KCNIP4: variants seen among roughly 807,000 people sequenced by gnomAD.
KCNIP4 encodes the protein potassium voltage-gated channel interacting protein 4.
Under a neutral mutation model 34.0 loss-of-function variants are expected in KCNIP4, and 12 were observed. The ratio of observed to expected loss-of-function variants is 0.35; its 90% CI spans 0.23 to 0.57. The LOEUF (loss-of-function observed/expected upper bound fraction) is 0.57. Ranked by LOEUF, KCNIP4 falls within the 20% of genes least tolerant of loss-of-function variation. The pLI is 0.83. For synonymous variants in KCNIP4, 124 were observed against 102.2 expected, an observed-to-expected ratio of 1.21 and a Z score of -1.29; for missense variants, 238 against 311.7, an observed-to-expected ratio of 0.76 and a Z score of 1.78.
intron 1 of KCNIP4, among the ~76,000 whole-genome samples, chr4:21,889,438 T>C (rs1277385559): frequency 6.6e-6 from 1 of 152,062 alleles, no homozygotes; most frequent in Non-Finnish European, 1.5e-5. Flanking sequence ...TAAGGGATAT[T>C]AAACCTGTAC....
chr4:21,499,414 A>G (rs958560721), intron 1 of KCNIP4, among the ~76,000 whole-genome samples: 1 of 151,982 alleles, frequency 6.6e-6, no homozygotes, highest in African/African-American at 2.4e-5. Context: ...AAGCTTGAAC[A>G]ATACTACATA....
intron 1 of KCNIP4, among the ~76,000 whole-genome samples, chr4:20,959,849 A>C (rs1278063847): frequency 6.6e-6 from 1 of 152,222 alleles, no homozygotes; most frequent in East Asian, 1.9e-4. Context: ...GCAATCCTTA[A>C]CATAATCTGT....
chr4:21,647,417 G>A (rs532406373), intron 1 of KCNIP4, among the ~76,000 whole-genome samples: 4 of 152,108 alleles, frequency 2.6e-5, no homozygotes, highest in African/African-American at 9.6e-5. Flanking sequence ...CAATAAAAAA[G>A]ACTGATTGGA....
intron 1 of KCNIP4, among the ~76,000 whole-genome samples, chr4:21,476,566 G>A (rs929593861): frequency 2.6e-5 from 4 of 152,104 alleles, no homozygotes; most frequent in Non-Finnish European, 4.4e-5. Context: ...GACTTACACC[G>A]TCCAGAACTG....
intron 1 of KCNIP4, among the ~76,000 whole-genome samples, chr4:21,296,487 G>T (rs1044761311): frequency 6.6e-6 from 1 of 151,186 alleles, no homozygotes; most frequent in Non-Finnish European, 1.5e-5. Flanking sequence ...CTTATACAGG[G>T]TTCTAAGCAT....
intron 1 of KCNIP4, among the ~76,000 whole-genome samples, chr4:21,091,607 A>C (rs1747001436): frequency 6.6e-6 from 1 of 152,210 alleles, no homozygotes; most frequent in Admixed American, 6.5e-5. Context: ...AAAATACCAT[A>C]GACTGGGTAC....
Position 21,695,644 on chromosome 4 carries a change from T to C in KCNIP4, c.61+252927A>G, listed in dbSNP as rs533708988. ...GTTTCCCAACCACTTACCATTTTCG[T>C]AAAATTCTTTGAAATCAAAAGTTTA... is the stretch of plus-strand genomic sequence containing the variant. On this transcript the variant is annotated intron_variant, in intron 1 of 8. Coordinates refer to ENST00000382152, the MANE Select transcript of KCNIP4 (RefSeq NM_025221.6). Among the ~76,000 whole-genome samples the C allele has an allele frequency of 3.9e-4, 60 of 152,120 alleles. 1 individual carries two copies. The highest frequency in any genetic ancestry group is 7.6e-4 in the Non-Finnish European group (52 of 67,988).
At chr4:21,634,183 T>C (rs538897553) in intron 1 of KCNIP4, among the ~76,000 whole-genome samples, 2 of 143,642 alleles carry the variant, frequency 1.4e-5, no homozygotes, top group East Asian at 4.0e-4. Context: ...ATCCACTATG[T>C]AGTATTTAAA....
chr4:21,342,884 A>G (rs1325414518), intron 1 of KCNIP4, among the ~76,000 whole-genome samples: 1 of 152,038 alleles, frequency 6.6e-6, no homozygotes, highest in Non-Finnish European at 1.5e-5. Flanking sequence ...TTTCTTAGCT[A>G]AGGGGCAGTA....
chr4:20,802,225 CATATGCTACATATATGCTATAT>C lies in KCNIP4; in HGVS notation c.289-43357_289-43336del, dbSNP rs1304543614. On this transcript the variant is annotated intron_variant, in intron 3 of 8. Transcript: ENST00000382152. ...ATATATATGCTACATATATGCTATA[CATATGCTACATATATGCTATAT>C]ATATGCTACATATATGCTATATATA... Among the ~76,000 whole-genome samples the C allele has an allele frequency of 6.7e-3, 326 of 48,978 alleles. 9 individuals are homozygous for C. The East Asian group carries it at 0.13, about 20-fold the overall frequency. The allele number at this position is 48,978 out of a possible 152,430, so 32.1% of individuals were successfully genotyped here.
chr4:20,954,512 T>C (rs558932314), intron 1 of KCNIP4, among the ~76,000 whole-genome samples: 6 of 152,186 alleles, frequency 3.9e-5, no homozygotes, highest in Admixed American at 2.0e-4. Flanking sequence ...GTCAAGAAGG[T>C]ATAATCATCA....
At chr4:20,884,362 A>G (rs1725047247) in intron 1 of KCNIP4, among the ~76,000 whole-genome samples, 1 of 152,006 alleles carries the variant, frequency 6.6e-6, no homozygotes, top group Admixed American at 6.6e-5. Context: ...GTGGGGTGAC[A>G]AAATGTTATA....
rs368225600 is a variant in KCNIP4, at chr4:21,009,741, T to C, written c.62-127032A>G. On this transcript the variant is annotated intron_variant, in intron 1 of 8. Coordinates refer to ENST00000382152, the MANE Select transcript of KCNIP4 (RefSeq NM_025221.6). ...TTAGTACATGTCTTGACAAAGGACA[T>C]ATCCCTTCTCTGCTGCTGGAATGGG... 3.9e-5 allele frequency among the ~76,000 whole-genome samples: 6 copies of C among 152,356 alleles called. No homozygotes were observed. The East Asian group carries it at 7.7e-4, about 20-fold the overall frequency.
rs769966678 is a variant in KCNIP4, at chr4:21,303,917, G to A, written c.62-421208C>T. 5.6e-6 allele frequency: 9 copies of A among 1,613,812 alleles called. No homozygotes were observed. The Admixed American group carries it at 1.5e-4, about 27-fold the overall frequency. Reference sequence around the variant, plus strand: ...CCCTTCCAAGTTCATGGTCAGCTAGGTCATGGTCCGACCACAGCCACTGAG... The same window carrying A: ...CCCTTCCAAGTTCATGGTCAGCTAGATCATGGTCCGACCACAGCCACTGAG... On this transcript the variant is annotated intron_variant, in intron 1 of 8. Coordinates refer to ENST00000382152, the MANE Select transcript of KCNIP4 (RefSeq NM_025221.6).
intron 1 of KCNIP4, among the ~76,000 whole-genome samples, chr4:21,904,963 A>C (rs2108973180): frequency 6.6e-6 from 1 of 152,282 alleles, no homozygotes; most frequent in African/African-American, 2.4e-5. Flanking sequence ...GAACACAGTG[A>C]TTTTCAATAG....
chr4:21,937,320 A>C (rs748234882), intron 1 of KCNIP4, among the ~76,000 whole-genome samples: 42 of 152,062 alleles, frequency 2.8e-4, no homozygotes, highest in Non-Finnish European at 5.3e-4. Context: ...AAAGTATCAC[A>C]GTCACCAACC....
At chr4:21,897,171 A>T (rs1032344830) in intron 1 of KCNIP4, among the ~76,000 whole-genome samples, 1 of 151,996 alleles carries the variant, frequency 6.6e-6, no homozygotes, top group Non-Finnish European at 1.5e-5. Context: ...GCCACATTTC[A>T]TTTTTTAAAA....
At chr4:21,807,192 A>G (rs1354520046) in intron 1 of KCNIP4, among the ~76,000 whole-genome samples, 1 of 152,200 alleles carries the variant, frequency 6.6e-6, no homozygotes. Flanking sequence ...CTCAGGAGGT[A>G]ATGCAAGCAA....
At chr4:20,780,657 A>G (rs1481671393) in intron 3 of KCNIP4, among the ~76,000 whole-genome samples, 1 of 152,196 alleles carries the variant, frequency 6.6e-6, no homozygotes, top group Non-Finnish European at 1.5e-5. Flanking sequence ...TTCCAGGAAC[A>G]GTTCTCCATC....
Sources: gnomAD v4.1 joint callset for allele counts (sites outside exome capture counted in the v4.1 genomes callset) on GRCh38, gnomAD v4.1.1 for gene constraint, MANE v1.5 for transcripts, NCBI Gene and HGNC (gene_info 2026-07-23, HGNC 2026-07-21) for gene names.